Variants in GMDS observed in about 807,000 individuals in gnomAD.
The protein encoded by GMDS is GDP-mannose 4,6-dehydratase.
Under a neutral mutation model 49.9 loss-of-function variants are expected in GMDS, and 20 were observed. The ratio of observed to expected loss-of-function variants is 0.40; its 90% CI spans 0.28 to 0.58. The LOEUF (loss-of-function observed/expected upper bound fraction) is 0.58, where lower values mean the gene tolerates loss of function less well. Ranked by LOEUF, GMDS falls within the 20% of genes least tolerant of loss-of-function variation. The pLI, the probability that GMDS is intolerant of heterozygous loss-of-function variation, is 0.42. For synonymous variants in GMDS, 177 were observed against 178.6 expected, an observed-to-expected ratio of 0.99 and a Z score of 0.07; for missense variants, 362 against 481.4, an observed-to-expected ratio of 0.75 and a Z score of 2.32.
chr6:1,887,630 T>G (rs1008480637), intron 7 of GMDS, among the ~76,000 whole-genome samples: 1 of 152,204 alleles, frequency 6.6e-6, no homozygotes, highest in African/African-American at 2.4e-5. Context: ...TTTGCTCTTC[T>G]AAACAATGTC....
rs1352171705 is a variant in GMDS, at chr6:1,861,085, T to G, written c.771+69018A>C. Among the ~76,000 whole-genome samples the G allele has an allele frequency of 2.0e-5, 3 of 152,204 alleles. No homozygotes were observed. The East Asian group carries it at 5.8e-4, about 29-fold the overall frequency. On this transcript the variant is annotated intron_variant, in intron 7 of 10. Coordinates refer to ENST00000380815, the MANE Select transcript of GMDS (RefSeq NM_001500.4). ...TGTCTTTACTCTGCCTTCCAGTTAGTGCACTGTTAAACTACTAAGTAAGAT... is the reference window on the plus strand; with the variant it reads ...TGTCTTTACTCTGCCTTCCAGTTAGGGCACTGTTAAACTACTAAGTAAGAT...
intron 4 of GMDS, among the ~76,000 whole-genome samples, chr6:2,075,182 C>T (rs775345510): frequency 3.9e-5 from 6 of 151,958 alleles, no homozygotes; most frequent in African/African-American, 1.4e-4. Context: ...AATGACATTG[C>T]TATTTTGATA....
intron 6 of GMDS, among the ~76,000 whole-genome samples, chr6:1,957,407 T>C (rs1044916652): frequency 6.6e-6 from 1 of 152,230 alleles, no homozygotes; most frequent in African/African-American, 2.4e-5. Context: ...TAATTTAATC[T>C]GAAAATTAAT....
At chr6:2,228,214 C>T (rs73716976) in intron 1 of GMDS, among the ~76,000 whole-genome samples, 1 of 152,334 alleles carries the variant, frequency 6.6e-6, no homozygotes, top group African/African-American at 2.4e-5. Context: ...ACGTTTATGA[C>T]ATCCCACCAC....
chr6:1,942,571 A>G (rs1263848632), intron 6 of GMDS, among the ~76,000 whole-genome samples: 2 of 152,222 alleles, frequency 1.3e-5, no homozygotes, highest in Non-Finnish European at 2.9e-5. Context: ...TGAAAGAGAA[A>G]ACAGTTTTCC....
At position 1,814,115 on chromosome 6, in the gene GMDS, C is replaced by A. The variant is rs226467; in HGVS notation, c.772-71529G>T. Among the ~76,000 whole-genome samples, 938 of 152,036 alleles carry A rather than the reference C, an allele frequency of 6.2e-3. 11 individuals are homozygous for A. Among genetic ancestry groups the A allele is most frequent in the African/African-American group, 0.022 (908 of 41,446 alleles). ...GTTGATAAGAAAAACTAAGATTGAC[C>A]ACATAATTTTAAACCAAATCAGAAT... On this transcript the variant is annotated intron_variant, in intron 7 of 10. Transcript: ENST00000380815.
chr6:2,195,362 A>G (rs550049260), intron 1 of GMDS, among the ~76,000 whole-genome samples: 132 of 152,132 alleles, frequency 8.7e-4, no homozygotes, highest in African/African-American at 3.0e-3. Context: ...AAAAAAATCT[A>G]TTCCAAGAAC....
intron 1 of GMDS, among the ~76,000 whole-genome samples, chr6:2,242,683 G>A (rs1781666480): frequency 6.6e-6 from 1 of 152,192 alleles, no homozygotes; most frequent in Admixed American, 6.5e-5. Context: ...ATGACTTACA[G>A]CAACTGCTGA....
At chr6:2,067,318 A>T (rs986061110) in intron 4 of GMDS, among the ~76,000 whole-genome samples, 2 of 151,666 alleles carry the variant, frequency 1.3e-5, no homozygotes, top group African/African-American at 4.8e-5. Context: ...AGCAGGAAAG[A>T]TCCAAAATTG....
At chr6:2,012,046 A>T (rs1767593405) in intron 4 of GMDS, among the ~76,000 whole-genome samples, 1 of 152,188 alleles carries the variant, frequency 6.6e-6, no homozygotes, top group African/African-American at 2.4e-5. Context: ...CTCACTTATA[A>T]ATGGGAGTTA....
chr6:1,733,516 G>A (rs1003894056), intron 8 of GMDS, among the ~76,000 whole-genome samples: 3 of 152,218 alleles, frequency 2.0e-5, no homozygotes, highest in African/African-American at 7.2e-5. Context: ...ACGAGAGGGA[G>A]CCTCAAAGGA....
chr6:1,716,807 A>C (rs1234278891), intron 9 of GMDS, among the ~76,000 whole-genome samples: 1 of 152,116 alleles, frequency 6.6e-6, no homozygotes. Flanking sequence ...TCTCTCTTTT[A>C]ATTACAAATC....
intron 1 of GMDS, among the ~76,000 whole-genome samples, chr6:2,220,961 G>A (rs1780557785): frequency 3.3e-5 from 5 of 152,300 alleles, no homozygotes; most frequent in African/African-American, 1.2e-4. Context: ...AAGATCACTT[G>A]AGATTAGGAG....
At chr6:1,919,514 C>A (rs1259010460) in intron 7 of GMDS, among the ~76,000 whole-genome samples, 1 of 152,164 alleles carries the variant, frequency 6.6e-6, no homozygotes, top group Non-Finnish European at 1.5e-5. Flanking sequence ...CTGTAACTAA[C>A]TGGCCCTAGT....
chr6:2,169,760 C>T (rs1777863214), intron 1 of GMDS, among the ~76,000 whole-genome samples: 1 of 152,120 alleles, frequency 6.6e-6, no homozygotes, highest in Non-Finnish European at 1.5e-5. Flanking sequence ...ACTTACACAA[C>T]TCCTACAGCA....
At chr6:1,638,191 G>A (rs1484338144) in intron 9 of GMDS, among the ~76,000 whole-genome samples, 1 of 152,130 alleles carries the variant, frequency 6.6e-6, no homozygotes, top group Non-Finnish European at 1.5e-5. Flanking sequence ...AACAAAGGTG[G>A]GGGGCATGAG....
intron 6 of GMDS, among the ~76,000 whole-genome samples, chr6:1,934,801 T>C (rs1200210529): frequency 6.6e-6 from 1 of 152,184 alleles, no homozygotes; most frequent in African/African-American, 2.4e-5. Context: ...AAGAATGCTC[T>C]TTTAAGGAAG....
At chr6:1,832,748 C>A (rs1411472169) in intron 7 of GMDS, among the ~76,000 whole-genome samples, 1 of 152,156 alleles carries the variant, frequency 6.6e-6, no homozygotes, top group African/African-American at 2.4e-5. Context: ...GTGAGGCCGA[C>A]ACATTTCAGA....
At chr6:2,099,772 T>C (rs1160259425) in intron 4 of GMDS, among the ~76,000 whole-genome samples, 2 of 152,114 alleles carry the variant, frequency 1.3e-5, no homozygotes, top group Non-Finnish European at 2.9e-5. Flanking sequence ...TAACTTTATA[T>C]AAAGTTTTAA....
Sources: gnomAD v4.1 joint callset for allele counts (sites outside exome capture counted in the v4.1 genomes callset) on GRCh38, gnomAD v4.1.1 for gene constraint, MANE v1.5 for transcripts, NCBI Gene and HGNC (gene_info 2026-07-23, HGNC 2026-07-21) for gene names.